CTIF: variants seen among roughly 807,000 people sequenced by gnomAD.
CTIF encodes cap binding complex dependent translation initiation factor, also known as CBP80/20-dependent translation initiation factor.
A neutral mutation model predicts 66.0 loss-of-function variants in CTIF; 21 were observed. The observed-to-expected ratio is 0.32, with a 90% CI of 0.23 to 0.46. The LOEUF is 0.46. CTIF is among the 20% of genes least tolerant of loss of function. The probability of loss-of-function intolerance (pLI) is 1.00; values close to 1 mark genes in which losing one functional copy is unlikely to be tolerated. For missense variants in CTIF, 739 were observed against 812.7 expected, an observed-to-expected ratio of 0.91 and a Z score of 1.10; for synonymous variants, 345 against 326.4, an observed-to-expected ratio of 1.06 and a Z score of -0.62.
At chr18:48,632,699 C>T (rs1223836283) in intron 2 of CTIF, among the ~76,000 whole-genome samples, 2 of 152,268 alleles carry the variant, frequency 1.3e-5, no homozygotes, top group African/African-American at 4.8e-5. Context: ...CTCTTGGGCA[C>T]CTCACTCTTC....
chr18:48,687,941 A>G (rs925293525), intron 6 of CTIF, among the ~76,000 whole-genome samples: 8 of 152,222 alleles, frequency 5.3e-5, no homozygotes, highest in Non-Finnish European at 1.0e-4. Context: ...CCTTTTGCCA[A>G]TTCACATTTC....
intron 1 of CTIF, among the ~76,000 whole-genome samples, chr18:48,543,539 A>T (rs1390784973): frequency 6.6e-6 from 1 of 152,204 alleles, no homozygotes; most frequent in Non-Finnish European, 1.5e-5. Context: ...TGCTCTCAGC[A>T]TGCCTCTGAC....
At chr18:48,631,297 C>G (rs572496664) in intron 2 of CTIF, among the ~76,000 whole-genome samples, 1 of 152,312 alleles carries the variant, frequency 6.6e-6, no homozygotes, top group African/African-American at 2.4e-5. Context: ...AACCCTGTCT[C>G]TACTAAAAAT....
In CTIF at chr18:48,830,093, G is replaced by T. The variant is rs549284774; in HGVS notation, c.1527+12717G>T. On this transcript the variant is annotated intron_variant, in intron 10 of 11. Coordinates refer to ENST00000256413, the MANE Select transcript of CTIF (RefSeq NM_014772.3). ...GAGGGGAATGCTAGGGGAAGAAGGT[G>T]GGTTTCGGAGGCAGACAGTCTTCTG... Among the ~76,000 whole-genome samples the T allele has an allele frequency of 1.2e-4, 19 of 152,322 alleles. 1 individual carries two copies. The highest frequency in any genetic ancestry group is 3.4e-3 in the Middle Eastern group (1 of 294).
intron 6 of CTIF, chr18:48,673,698 G>A (rs2091576359): frequency 6.6e-6 from 1 of 152,212 alleles, no homozygotes; most frequent in Non-Finnish European, 1.5e-5. Context: ...AAAGAGAGCT[G>A]GAGGGTCGTG....
chr18:48,677,248 C>T (rs1314080039), intron 6 of CTIF, among the ~76,000 whole-genome samples: 4 of 152,188 alleles, frequency 2.6e-5, no homozygotes, highest in African/African-American at 9.7e-5. Flanking sequence ...CCCTGTGCAC[C>T]GGCGACTGTT....
chr18:48,708,767 C>T (rs1428447597), intron 6 of CTIF, among the ~76,000 whole-genome samples: 1 of 152,214 alleles, frequency 6.6e-6, no homozygotes, highest in Non-Finnish European at 1.5e-5. Flanking sequence ...CTCCATCCTC[C>T]CCCAGCACAC....
intron 3 of CTIF, among the ~76,000 whole-genome samples, chr18:48,637,713 G>C (rs1445904835): frequency 1.3e-5 from 2 of 152,186 alleles, no homozygotes; most frequent in African/African-American, 4.8e-5. Context: ...CCATGGTGTG[G>C]AGGGACGGCT....
chr18:48,785,681 G>A (rs1461448838), intron 9 of CTIF, among the ~76,000 whole-genome samples: 1 of 152,202 alleles, frequency 6.6e-6, no homozygotes, highest in Admixed American at 6.5e-5. Context: ...CTGTGAGCTT[G>A]GCTTTGCCAT....
chr18:48,638,964 C>G (rs552612310), intron 3 of CTIF, among the ~76,000 whole-genome samples: 137 of 152,252 alleles, frequency 9.0e-4, no homozygotes, highest in Non-Finnish European at 1.7e-3. Flanking sequence ...ATTCCCATCA[C>G]CCCTGACCTG....
Position 48,859,925 on chromosome 18 carries a change from C to G in CTIF, c.*366C>G. Reference sequence around the variant, plus strand: ...GTGACTCCTCGGAGACCTTGGCAGCCTCGCACGCCGGGGCACCGCTTGGGT... The same window carrying G: ...GTGACTCCTCGGAGACCTTGGCAGCGTCGCACGCCGGGGCACCGCTTGGGT... On this transcript the variant is annotated 3_prime_UTR_variant, in exon 12 of 12. Coordinates refer to ENST00000256413, the MANE Select transcript of CTIF (RefSeq NM_014772.3). 1 of 493,708 alleles carries G rather than the reference C, an allele frequency of 2.0e-6. No individual in the cohort carries two copies. The highest frequency in any genetic ancestry group is 5.9e-5 in the East Asian group (1 of 16,980). The allele number at this position is 493,708 out of a possible 1,614,324, so 30.6% of individuals were successfully genotyped here.
At chr18:48,795,932 G>A (rs1461752999) in intron 9 of CTIF, among the ~76,000 whole-genome samples, 1 of 152,172 alleles carries the variant, frequency 6.6e-6, no homozygotes, top group Non-Finnish European at 1.5e-5. Context: ...TTCCTGTGCT[G>A]GAAGTCACTG....
chr18:48,738,073 C>A (rs2092519676), intron 7 of CTIF, among the ~76,000 whole-genome samples: 1 of 152,228 alleles, frequency 6.6e-6, no homozygotes, highest in African/African-American at 2.4e-5. Context: ...CCTCTGTCTT[C>A]CCCATCTCAG....
chr18:48,595,435 T>G (rs1399837560), intron 1 of CTIF, among the ~76,000 whole-genome samples: 1 of 152,118 alleles, frequency 6.6e-6, no homozygotes, highest in East Asian at 1.9e-4. Flanking sequence ...ATTAATTAAT[T>G]TTTTTTAGAG....
chr18:48,582,936 C>A (rs187895788), intron 1 of CTIF, among the ~76,000 whole-genome samples: 1 of 152,234 alleles, frequency 6.6e-6, no homozygotes, highest in South Asian at 2.1e-4. Flanking sequence ...CTCAGCAGAG[C>A]AGGCCAGCAC....
In CTIF at chr18:48,860,010, A is replaced by G. The variant is rs772554233; in HGVS notation, c.*451A>G. 19 of 450,740 alleles carry G rather than the reference A, an allele frequency of 4.2e-5. 1 individual carries two copies. The highest frequency in any genetic ancestry group is 3.2e-4 in the Middle Eastern group (1 of 3,080). 27.9% of individuals were successfully genotyped at this position (450,740 alleles called of 1,614,324 possible). On this transcript the variant is annotated 3_prime_UTR_variant, in exon 12 of 12. Transcript: ENST00000256413. Reference sequence around the variant, plus strand: ...GGAGACGGGCTCGCATTGTTCCCGCATGCTGTCAGCCGCAGTCGCCAACTG... The same window carrying G: ...GGAGACGGGCTCGCATTGTTCCCGCGTGCTGTCAGCCGCAGTCGCCAACTG...
chr18:48,847,849 G>A (rs2069114089), intron 10 of CTIF, among the ~76,000 whole-genome samples: 1 of 152,194 alleles, frequency 6.6e-6, no homozygotes, highest in Non-Finnish European at 1.5e-5. Flanking sequence ...CATTTTTGAT[G>A]ATAGCCTTTC....
chr18:48,769,758 A>T (rs577506693), intron 9 of CTIF, among the ~76,000 whole-genome samples: 4 of 152,224 alleles, frequency 2.6e-5, no homozygotes, highest in Non-Finnish European at 5.9e-5. Flanking sequence ...TTGCTTTGGG[A>T]TGAGTAAATA....
At chr18:48,814,045 A>C (rs1403856350) in intron 9 of CTIF, among the ~76,000 whole-genome samples, 1 of 152,224 alleles carries the variant, frequency 6.6e-6, no homozygotes, top group Non-Finnish European at 1.5e-5. Context: ...TCCCCTGGGC[A>C]ACCAGAATTT....
Sources: gnomAD v4.1 joint callset for allele counts (sites outside exome capture counted in the v4.1 genomes callset) on GRCh38, gnomAD v4.1.1 for gene constraint, MANE v1.5 for transcripts, NCBI Gene and HGNC (gene_info 2026-07-23, HGNC 2026-07-21) for gene names.